Variants in IPO11 observed in about 807,000 individuals in gnomAD.
IPO11 encodes importin 11.
A neutral mutation model predicts 143.2 loss-of-function variants in IPO11; 66 were observed. The ratio of observed to expected loss-of-function variants is 0.46; its 90% CI spans 0.38 to 0.57. IPO11 has a LOEUF of 0.57. IPO11 is among the 20% of genes least tolerant of loss of function. The pLI is 0.00. For synonymous variants in IPO11, 385 were observed against 377.8 expected, an observed-to-expected ratio of 1.02 and a Z score of -0.22; for missense variants, 1,026 against 1,141.0, an observed-to-expected ratio of 0.90 and a Z score of 1.45.
At chr5:62,490,308 A>C in intron 15 of IPO11, 88 bp downstream of exon 15, 1 of 770,066 alleles carries the variant, frequency 1.3e-6, no homozygotes, top group East Asian at 3.1e-5. Flanking sequence ...AATGGCTTAC[A>C]ATTTAAAAAA....
intron 3 of IPO11, among the ~76,000 whole-genome samples, chr5:62,448,593 C>T (rs530157174): frequency 6.6e-6 from 1 of 152,150 alleles, no homozygotes; most frequent in African/African-American, 2.4e-5. Context: ...CTCCGTTGCC[C>T]AGGCTGGAAT....
intron 13 of IPO11, among the ~76,000 whole-genome samples, 171 bp from the exon 14 acceptor site, chr5:62,489,131 A>T (rs1181181540): frequency 6.6e-6 from 1 of 152,198 alleles, no homozygotes; most frequent in Non-Finnish European, 1.5e-5. Flanking sequence ...TTCTCTAATG[A>T]TAATCATAAA....
intron 15 of IPO11, among the ~76,000 whole-genome samples, chr5:62,490,875 T>C (rs867492224): frequency 1.3e-5 from 2 of 152,082 alleles, no homozygotes; most frequent in South Asian, 2.1e-4. Flanking sequence ...TGTGCCTCAG[T>C]CTCCTGAGTA....
intron 27 of IPO11, among the ~76,000 whole-genome samples, chr5:62,565,738 T>C (rs916130963): frequency 3.9e-5 from 6 of 152,148 alleles, no homozygotes; most frequent in African/African-American, 1.4e-4. Context: ...AAGCTCCGCA[T>C]GCATTAGCTA....
At chr5:62,482,813 G>A (rs1490383474) in intron 9 of IPO11, among the ~76,000 whole-genome samples, 2 of 152,030 alleles carry the variant, frequency 1.3e-5, no homozygotes, top group Non-Finnish European at 2.9e-5. Flanking sequence ...TAAGCGTTTT[G>A]TATCATATTC....
intron 16 of IPO11, among the ~76,000 whole-genome samples, chr5:62,499,007 A>G (rs1404682483): frequency 6.6e-6 from 1 of 152,274 alleles, no homozygotes; most frequent in Non-Finnish European, 1.5e-5. Context: ...AAACTGTGGT[A>G]TAATCAGAAA....
rs1340489473 is a variant in IPO11, at chr5:62,551,289, T to G, written c.2413T>G (p.Phe805Val). 1 of 1,610,458 alleles carries G rather than the reference T, an allele frequency of 6.2e-7. No homozygotes were observed. The highest frequency in any genetic ancestry group is 8.5e-7 in the Non-Finnish European group (1 of 1,177,934). Reference protein sequence around the residue: ...MGRVLLQNTSFFSSLLNEMAH... With the variant: ...MGRVLLQNTSVFSSLLNEMAH... ...TCGAGTTCTACTACAAAACACTAGT[T>G]TTTTTTCTTCACTACTTAATGAGAT... Residue 805 changes from phenylalanine to valine, a missense_variant, in exon 26 of 30, where the codon TTT becomes GTT. By Grantham distance (50) the Phe-to-Val change is conservative (BLOSUM62 -1). Coordinates refer to ENST00000325324, the MANE Select transcript of IPO11 (RefSeq NM_016338.5).
chr5:62,564,644 A>G (rs547421368), intron 27 of IPO11, among the ~76,000 whole-genome samples: 1 of 152,064 alleles, frequency 6.6e-6, no homozygotes, highest in South Asian at 2.1e-4. Context: ...CTTGGCCACT[A>G]CCTACCGGAT....
At chr5:62,440,791 C>T (rs974745887) in intron 2 of IPO11, among the ~76,000 whole-genome samples, 14 of 151,972 alleles carry the variant, frequency 9.2e-5, no homozygotes, top group African/African-American at 2.2e-4. Flanking sequence ...GGTGAAAGCC[C>T]GTCTTTGCTA....
intron 24 of IPO11, among the ~76,000 whole-genome samples, chr5:62,547,999 T>C (rs1482678811): frequency 1.3e-5 from 2 of 152,170 alleles, no homozygotes; most frequent in Non-Finnish European, 2.9e-5. Flanking sequence ...GATTCTTTTG[T>C]ATCTATGTTC....
chr5:62,591,717 T>A, intron 28 of IPO11, 45 bp downstream of exon 28: 1 of 1,245,968 alleles, frequency 8.0e-7, no homozygotes. Flanking sequence ...TGGGGGATAA[T>A]TAAATACATG....
chr5:62,505,159 T>C (rs1741512768), intron 18 of IPO11, among the ~76,000 whole-genome samples: 1 of 152,178 alleles, frequency 6.6e-6, no homozygotes, highest in South Asian at 2.1e-4. Flanking sequence ...TCAAACTTTT[T>C]TTTTCAAAAT....
At position 62,470,816 on chromosome 5, in the gene IPO11, C is replaced by CTTTTTTTTTTTTTTTTTTTTTTTTTTT. The variant is rs70981015; in HGVS notation, c.708+511_708+537dup. On this transcript the variant is annotated intron_variant, in intron 7 of 29. Transcript: ENST00000325324. The stretch of plus-strand genomic sequence containing the variant: ...TTCATTGTCTGTAGATAGCCATCTT[C>CTTTTTTTTTTTTTTTTTTTTTTTTTTT]TTTTTTTTTTTTTTTTTTTTTTTTT... Among the ~76,000 whole-genome samples the CTTTTTTTTTTTTTTTTTTTTTTTTTTT allele has an allele frequency of 1.9e-4, 12 of 62,560 alleles. 1 individual carries two copies. Among genetic ancestry groups the CTTTTTTTTTTTTTTTTTTTTTTTTTTT allele is most frequent in the East Asian group, 7.1e-4 (1 of 1,418 alleles). 41.0% of individuals were successfully genotyped at this position (62,560 alleles called of 152,430 possible).
At chr5:62,547,365 G>C (rs887334188) in intron 24 of IPO11, among the ~76,000 whole-genome samples, 5 of 152,086 alleles carry the variant, frequency 3.3e-5, no homozygotes, top group African/African-American at 1.2e-4. Context: ...CGTCATGTCA[G>C]AGTGGAATGT....
At chr5:62,416,172 T>C (rs979380500) in intron 1 of IPO11, among the ~76,000 whole-genome samples, 14 of 149,204 alleles carry the variant, frequency 9.4e-5, no homozygotes, top group Non-Finnish European at 5.9e-5. Flanking sequence ...GTTTTCTTTT[T>C]TTTTCTTTTC....
chr5:62,437,361 G>T lies in IPO11; in HGVS notation c.82G>T (p.Ala28Ser). Reference protein sequence around the residue: ...TSQDTAVLKPAEEQLKQWETQ... With the variant: ...TSQDTAVLKPSEEQLKQWETQ... ...TCAGGATACTGCTGTGTTAAAACCA[G>T]CTGAGGAGCAGTTGAAGCAGTGGGA... The change falls in exon 2 of 30, where the codon GCT becomes TCT. Residue 28 changes from alanine (A) to serine (S), a missense_variant. By Grantham distance (99) the Ala-to-Ser change is moderately conservative. Coordinates refer to ENST00000325324, the MANE Select transcript of IPO11 (RefSeq NM_016338.5). 2 of 1,613,168 alleles carry T rather than the reference G, an allele frequency of 1.2e-6. No homozygotes were observed. The highest frequency in any genetic ancestry group is 2.2e-5 in the East Asian group (1 of 44,846).
chr5:62,534,307 A>G (rs1451530277), intron 22 of IPO11, among the ~76,000 whole-genome samples: 3 of 152,222 alleles, frequency 2.0e-5, no homozygotes, highest in South Asian at 2.1e-4. Context: ...ATGCAACACT[A>G]ATGTTCCTTT....
chr5:62,464,248 C>A (rs769444900), intron 5 of IPO11, among the ~76,000 whole-genome samples: 4 of 140,770 alleles, frequency 2.8e-5, no homozygotes, highest in Non-Finnish European at 6.1e-5. Context: ...CTCCCGGATT[C>A]TCCCGCCTCA....
intron 2 of IPO11, among the ~76,000 whole-genome samples, chr5:62,440,138 A>G (rs1744413910): frequency 6.6e-6 from 1 of 152,192 alleles, no homozygotes; most frequent in Admixed American, 6.5e-5. Flanking sequence ...TGTAGTATAG[A>G]AGGTGGACAT....
Sources: allele counts gnomAD v4.1 joint callset (sites outside exome capture counted in the v4.1 genomes callset), GRCh38; gene constraint gnomAD v4.1.1; transcripts MANE v1.5; gene names NCBI Gene and HGNC (gene_info 2026-07-23, HGNC 2026-07-21).